ANO2: variants seen among roughly 807,000 people sequenced by gnomAD.
The protein encoded by ANO2 is anoctamin-2.
Under a neutral mutation model 124.2 loss-of-function variants are expected in ANO2, and 101 were observed. The observed-to-expected ratio is 0.81, with a 90% confidence interval of 0.69 to 0.96. The LOEUF is 0.96. Among genes scored for constraint, ANO2 ranks in the 40% least tolerant of loss-of-function variants. The pLI, the probability that ANO2 is intolerant of heterozygous loss-of-function variation, is 0.00. For missense variants in ANO2, 1,293 were observed against 1,274.5 expected (o/e 1.01, Z -0.22); for synonymous variants, 486 against 482.5 (o/e 1.01, Z -0.09).
chr12:5,693,904 C>G (rs1440433031), intron 14 of ANO2, among the ~76,000 whole-genome samples: 1 of 152,198 alleles, frequency 6.6e-6, no homozygotes, highest in African/African-American at 2.4e-5. Flanking sequence ...CCCTACCAGC[C>G]TCTTCACTTT....
At position 5,925,875 on chromosome 12, in the gene ANO2, C is replaced by G. The variant is rs1422912072; in HGVS notation, c.23-3071G>C. ...CTGGGCCTTTCTCCACGTTCCAGCT[C>G]TCTCCCTGGGCACTCTCATCCACTC... On this transcript the variant is annotated intron_variant, in intron 1 of 24. Transcript: ENST00000682330. The surrounding 1 kb of genome is among the most constrained non-coding windows in gnomAD (Gnocchi z 4.6). Among the ~76,000 whole-genome samples, 3 of 152,190 alleles carry G rather than the reference C, an allele frequency of 2.0e-5. No homozygotes were observed. Among genetic ancestry groups the G allele is most frequent in the Non-Finnish European group, 4.4e-5 (3 of 68,044 alleles).
At chr12:5,823,136 T>C (rs1439157430) in intron 7 of ANO2, among the ~76,000 whole-genome samples, 2 of 152,184 alleles carry the variant, frequency 1.3e-5, no homozygotes, top group East Asian at 3.9e-4. Flanking sequence ...CCTCTGGCTC[T>C]TCCAAATCTC....
At chr12:5,598,647 C>A (rs111699582) in intron 20 of ANO2, among the ~76,000 whole-genome samples, 1 of 152,206 alleles carries the variant, frequency 6.6e-6, no homozygotes, top group African/African-American at 2.4e-5. Flanking sequence ...TGAGCCACTG[C>A]GCTCGTCTTA....
intron 16 of ANO2, among the ~76,000 whole-genome samples, chr12:5,621,555 T>C (rs796129669): frequency 6.6e-5 from 10 of 151,632 alleles, no homozygotes; most frequent in African/African-American, 2.4e-4. Context: ...AGAGAGGAAA[T>C]GGACTGACAG....
chr12:5,744,841 T>C (rs1009485035), intron 11 of ANO2, among the ~76,000 whole-genome samples: 28 of 152,156 alleles, frequency 1.8e-4, no homozygotes, highest in African/African-American at 6.3e-4. Context: ...AAGTTCTACA[T>C]GGGGAAGAAC....
At chr12:5,913,630 C>T (rs558432653) in intron 3 of ANO2, among the ~76,000 whole-genome samples, 1 of 152,214 alleles carries the variant, frequency 6.6e-6, no homozygotes, top group African/African-American at 2.4e-5. Flanking sequence ...AAAGCTCAGA[C>T]AGGGTCCAAA....
chr12:5,732,671 G>T, intron 13 of ANO2, 41 bp from the exon 14 acceptor site: 1 of 1,587,160 alleles, frequency 6.3e-7, no homozygotes. Context: ...ACAAAAGGAA[G>T]AATGACCTTG....
intron 14 of ANO2, among the ~76,000 whole-genome samples, chr12:5,694,390 C>T (rs1486590230): frequency 1.3e-5 from 2 of 152,040 alleles, no homozygotes; most frequent in African/African-American, 4.8e-5. Context: ...AACATGGGTC[C>T]TCTTTGGGGA....
At chr12:5,583,219 G>C (rs1181100538) in intron 20 of ANO2, among the ~76,000 whole-genome samples, 1 of 152,206 alleles carries the variant, frequency 6.6e-6, no homozygotes, top group African/African-American at 2.4e-5. Context: ...ATGGTGAAAA[G>C]AGAGGTAGAC....
intron 12 of ANO2, among the ~76,000 whole-genome samples, chr12:5,739,630 C>CAT (rs3221289): frequency 1.3e-5 from 2 of 151,580 alleles, no homozygotes; most frequent in Non-Finnish European, 2.9e-5. Context: ...CACACACACA[C>CAT]GCTCCTTTCT....
chr12:5,580,334 C>A (rs1027004856), intron 20 of ANO2, among the ~76,000 whole-genome samples: 1 of 152,028 alleles, frequency 6.6e-6, no homozygotes, highest in Non-Finnish European at 1.5e-5. Context: ...TAATTTTATT[C>A]TTATTGGAAT....
At chr12:5,918,152 C>T (rs1941488395) in intron 3 of ANO2, among the ~76,000 whole-genome samples, 1 of 152,180 alleles carries the variant, frequency 6.6e-6, no homozygotes, top group Non-Finnish European at 1.5e-5. Context: ...TCTCAGCAGA[C>T]CCCAGCTGGA....
intron 14 of ANO2, among the ~76,000 whole-genome samples, chr12:5,724,972 T>C (rs1160266438): frequency 6.6e-6 from 1 of 152,146 alleles, no homozygotes; most frequent in Non-Finnish European, 1.5e-5. Flanking sequence ...TACTTGTTCA[T>C]GTTCTTTGCA....
intron 7 of ANO2, among the ~76,000 whole-genome samples, chr12:5,813,063 G>GAC (rs879809920): frequency 0.32 from 43,418 of 135,498 alleles, 6,942 homozygotes; most frequent in Middle Eastern, 0.46. Context: ...GAGGAAGGAA[G>GAC]GAAGACGAAA....
At chr12:5,568,850 G>A (rs944353548) in intron 23 of ANO2, among the ~76,000 whole-genome samples, 6 of 152,332 alleles carry the variant, frequency 3.9e-5, no homozygotes, top group African/African-American at 1.2e-4. Context: ...CTAACCTTCT[G>A]ATGCCCAGCT....
At chr12:5,887,447 T>C (rs1302168322) in intron 3 of ANO2, among the ~76,000 whole-genome samples, 1 of 152,226 alleles carries the variant, frequency 6.6e-6, no homozygotes, top group East Asian at 1.9e-4. Flanking sequence ...CTGTGGGGGA[T>C]GTTGCTCCTC....
intron 7 of ANO2, among the ~76,000 whole-genome samples, chr12:5,823,348 T>C (rs769117347): frequency 6.6e-6 from 1 of 152,188 alleles, no homozygotes; most frequent in Non-Finnish European, 1.5e-5. Flanking sequence ...AAAAGCATGC[T>C]AGTTACTTCC....
At chr12:5,679,182 C>A (rs78462121) in intron 14 of ANO2, among the ~76,000 whole-genome samples, 19,313 of 152,182 alleles carry the variant, frequency 0.13, 1,291 homozygotes, top group East Asian at 0.22. Context: ...ACTATAAAAA[C>A]CCTAAAAGAA....
chr12:5,816,246 A>T (rs1439974689), intron 7 of ANO2, among the ~76,000 whole-genome samples: 1 of 152,058 alleles, frequency 6.6e-6, no homozygotes, highest in Admixed American at 6.6e-5. Context: ...CCAGAAAGAA[A>T]GGCAATAAAA....
Sources: allele counts gnomAD v4.1 joint callset (sites outside exome capture counted in the v4.1 genomes callset), GRCh38; gene constraint gnomAD v4.1.1; non-coding constraint Gnocchi (gnomAD v3.1); transcripts MANE v1.5; gene names NCBI Gene and HGNC (gene_info 2026-07-23, HGNC 2026-07-21).